Variants in MED23 observed in about 807,000 individuals in gnomAD.
MED23 encodes mediator complex subunit 23.
In MED23, 105 loss-of-function variants were observed where a neutral mutation model predicts 163.9. That is an observed-to-expected ratio of 0.64 (90% CI 0.55 to 0.75). MED23 has a LOEUF of 0.75. MED23 is among the 30% of genes least tolerant of loss of function. The probability of loss-of-function intolerance (pLI) is 0.00; values close to 1 mark genes in which losing one functional copy is unlikely to be tolerated. For synonymous variants in MED23, 561 were observed against 565.6 expected (o/e 0.99, Z 0.12); for missense variants, 1,054 against 1,649.0 (o/e 0.64, Z 6.25).
At chr6:131,576,475 A>G (rs532250558) in intron 30 of MED23, among the ~76,000 whole-genome samples, 242 of 152,252 alleles carry the variant, frequency 1.6e-3, no homozygotes, top group Non-Finnish European at 2.5e-3. Flanking sequence ...AGTTCTTTCT[A>G]TTTGGCATAA....
In MED23 at chr6:131,586,934, C is replaced by A; in HGVS notation, c.*745G>T. ...TACATCATCTGTCAGGTGAGAGTGT[C>A]AACCTGCAAAAGCAATTAACTTATT... On this transcript the variant is annotated 3_prime_UTR_variant, in exon 29 of 29. Transcript: ENST00000368068. 1 of 1,479,892 alleles carries A rather than the reference C, an allele frequency of 6.8e-7. No individual in the cohort carries two copies. The highest frequency in any genetic ancestry group is 2.3e-4 in the Middle Eastern group (1 of 4,344). 91.7% of individuals were successfully genotyped at this position (1,479,892 alleles called of 1,614,324 possible).
In MED23 at chr6:131,594,153, G is replaced by A; in HGVS notation, c.3178C>T (p.Pro1060Ser). 1 of 1,614,072 alleles carries A rather than the reference G, an allele frequency of 6.2e-7. No homozygotes were observed. The highest frequency in any genetic ancestry group is 1.1e-5 in the South Asian group (1 of 91,078). The change falls in exon 23 of 29, where the codon CCT becomes TCT. Residue 1060 changes from proline (P) to serine (S), a missense_variant. Coordinates refer to ENST00000368068, the MANE Select transcript of MED23 (RefSeq NM_004830.4). ...KCAMNAREEN[P>S]WVPDDTYYCR... ...TAGTAGGTGTCATCTGGAACCCAAG[G>A]ATTTTCCTCTCGTGCATTCATAGCG...
intron 22 of MED23, among the ~76,000 whole-genome samples, chr6:131,595,465 T>C (rs963434656): frequency 1.3e-5 from 2 of 152,244 alleles, no homozygotes; most frequent in African/African-American, 4.8e-5. Context: ...TTATCTGCAA[T>C]TACAAAATCA....
chr6:131,576,654 A>G, intron 30 of MED23: 1 of 1,613,140 alleles, frequency 6.2e-7, no homozygotes, highest in Non-Finnish European at 8.5e-7. Context: ...TTATTTTTTA[A>G]TTGTTCAGCC....
chr6:131,613,456 T>G (rs1359122336), intron 10 of MED23, among the ~76,000 whole-genome samples: 1 of 152,150 alleles, frequency 6.6e-6, no homozygotes. Context: ...ATTATCACAT[T>G]GCTAGAGAAA....
chr6:131,576,788 A>G (rs1014367103), intron 30 of MED23: 3 of 1,497,392 alleles, frequency 2.0e-6, no homozygotes, highest in Non-Finnish European at 2.8e-6. Context: ...ACTCTGAAGG[A>G]AAGAGCAGGC....
chr6:131,609,473 A>C, intron 11 of MED23, among the ~76,000 whole-genome samples: 1 of 147,104 alleles, frequency 6.8e-6, no homozygotes. Context: ...TCTTTGATAC[A>C]GCCATCCCTG....
downstream of MED23, among the ~76,000 whole-genome samples, chr6:131,581,960 G>C (rs1773948747): frequency 6.6e-6 from 1 of 152,172 alleles, no homozygotes; most frequent in African/African-American, 2.4e-5. Context: ...GGCAGATTAA[G>C]ATTTAATATT....
intron 14 of MED23, 35 bp from the exon 15 acceptor site, chr6:131,604,355 A>C: frequency 3.7e-6 from 6 of 1,608,514 alleles, no homozygotes; most frequent in Non-Finnish European, 5.1e-6. Context: ...ATAAAAATCC[A>C]TATTTTTGAC....
chr6:131,600,582 G>T (rs1482634971), intron 17 of MED23, among the ~76,000 whole-genome samples: 1 of 152,116 alleles, frequency 6.6e-6, no homozygotes, highest in East Asian at 1.9e-4. Flanking sequence ...ATTGAAGAGG[G>T]TTCTTTATGT....
chr6:131,610,798 TA>T (rs764553836), intron 10 of MED23, among the ~76,000 whole-genome samples: 31 of 152,190 alleles, frequency 2.0e-4, no homozygotes, highest in Non-Finnish European at 1.8e-4. Context: ...CAATGTGTGG[TA>T]TTCGTCCTGA....
rs751362545 is a variant in MED23, at chr6:131,574,325, T to G, written c.4096-30A>C. On this transcript the variant is annotated intron_variant, in intron 30 of 30. Transcript: ENST00000354577. ...AAAACAAATTGAGAGAGGCCAGAGG[T>G]TAGAGGCCCAAACTGCATTTGGACT... The G allele has an allele frequency of 3.7e-6, 6 of 1,613,742 alleles. No homozygotes were observed. In the East Asian group the frequency reaches 1.3e-4, roughly 36 times the overall value.
intron 5 of MED23, among the ~76,000 whole-genome samples, chr6:131,622,919 T>C (rs1490678658): frequency 6.6e-6 from 1 of 152,224 alleles, no homozygotes; most frequent in African/African-American, 2.4e-5. Context: ...TATGTTGTTT[T>C]TGGTCAAGAG....
chr6:131,606,696 TA>T, intron 12 of MED23, 72 bp from the exon 13 acceptor site: 1 of 1,282,780 alleles, frequency 7.8e-7, no homozygotes, highest in Non-Finnish European at 1.1e-6. Flanking sequence ...TGTATTTTAG[TA>T]ATCAATTTCT....
rs112436344 is a variant in MED23 at position 131,606,357 on chromosome 6, C to A, written c.1367+122G>T. 107 of 927,718 alleles carry A rather than the reference C, an allele frequency of 1.2e-4. 2 individuals carry two copies. The African/African-American group carries it at 1.5e-3, about 13-fold the overall frequency. The allele number at this position is 927,718 out of a possible 1,614,324, so 57.5% of individuals were successfully genotyped here. On this transcript the variant is annotated intron_variant, in intron 13 of 28. Coordinates refer to ENST00000368068, the MANE Select transcript of MED23 (RefSeq NM_004830.4). The stretch of plus-strand genomic sequence containing the variant: ...CTATGACATATACATCAAGTATTTG[C>A]CCTTACCTATAGTGGGTATGCGGAG...
intron 12 of MED23, among the ~76,000 whole-genome samples, chr6:131,607,354 G>A (rs1241810424): frequency 1.3e-5 from 2 of 151,938 alleles, no homozygotes; most frequent in African/African-American, 4.8e-5. Flanking sequence ...AGACCAGCCT[G>A]GCCAACACGG....
chr6:131,621,381 TTAAAA>T (rs1219507847), intron 6 of MED23, among the ~76,000 whole-genome samples: 2 of 152,008 alleles, frequency 1.3e-5, no homozygotes, highest in Non-Finnish European at 2.9e-5. Context: ...TACTTGTCAA[TTAAAA>T]TAAAATATAG....
At chr6:131,607,240 C>T (rs969226431) in intron 12 of MED23, among the ~76,000 whole-genome samples, 13 of 151,354 alleles carry the variant, frequency 8.6e-5, no homozygotes, top group African/African-American at 3.2e-4. Flanking sequence ...ACAGCTAGTG[C>T]ATGGTGGGGT....
At chr6:131,579,889 G>A (rs1017297413) in intron 30 of MED23, among the ~76,000 whole-genome samples, 2 of 151,878 alleles carry the variant, frequency 1.3e-5, no homozygotes, top group African/African-American at 4.8e-5. Context: ...AGATGTCTAT[G>A]TTGTGTTCTC....
Sources: allele counts gnomAD v4.1 joint callset (sites outside exome capture counted in the v4.1 genomes callset), GRCh38; gene constraint gnomAD v4.1.1; transcripts MANE v1.5; gene names NCBI Gene and HGNC (gene_info 2026-07-23, HGNC 2026-07-21).